Variants in PPP1R1C observed in about 807,000 individuals in gnomAD.
The protein encoded by PPP1R1C is protein phosphatase 1 regulatory inhibitor subunit 1C.
Under a neutral mutation model 17.4 loss-of-function variants are expected in PPP1R1C, and 15 were observed. That is an observed-to-expected ratio of 0.86 (90% CI 0.58 to 1.33). The LOEUF (loss-of-function observed/expected upper bound fraction) is 1.33. PPP1R1C is among the 40% of genes most tolerant of loss of function. The pLI, the probability that PPP1R1C is intolerant of heterozygous loss-of-function variation, is 0.00. For missense variants in PPP1R1C, 143 were observed against 130.0 expected, an observed-to-expected ratio of 1.10 and a Z score of -0.48; for synonymous variants, 35 against 43.1, an observed-to-expected ratio of 0.81 and a Z score of 0.73.
At chr2:182,093,738 A>G (rs904286282) in intron 4 of PPP1R1C, among the ~76,000 whole-genome samples, 8 of 152,218 alleles carry the variant, frequency 5.3e-5, no homozygotes, top group Non-Finnish European at 1.2e-4. Flanking sequence ...CTAAAACATA[A>G]TAAGAGTCAC....
chr2:182,124,328 T>TTTTTTTTTG (rs1689817880), intron 5 of PPP1R1C, among the ~76,000 whole-genome samples: 7 of 55,592 alleles, frequency 1.3e-4, no homozygotes, highest in Non-Finnish European at 3.4e-4. Flanking sequence ...TTTTTTTTTG[T>TTTTTTTTTG]TTTTTTTTTT....
chr2:182,063,697 T>C (rs1365011303), intron 3 of PPP1R1C, 34 bp from the exon 4 acceptor site: 1 of 1,572,368 alleles, frequency 6.4e-7, no homozygotes, highest in Non-Finnish European at 8.8e-7. Flanking sequence ...TGTATCCAAA[T>C]CTAAGGCTTT....
intron 4 of PPP1R1C, among the ~76,000 whole-genome samples, chr2:182,083,302 C>T (rs1574437830): frequency 1.3e-5 from 2 of 152,202 alleles, no homozygotes; most frequent in East Asian, 3.9e-4. Context: ...TTTGGTTACA[C>T]GGATGAATTG....
At chr2:182,106,033 G>C (rs1689239983) in intron 4 of PPP1R1C, among the ~76,000 whole-genome samples, 1 of 152,132 alleles carries the variant, frequency 6.6e-6, no homozygotes, top group Non-Finnish European at 1.5e-5. Context: ...AGTAGCCTCA[G>C]ATTTTCCTTG....
chr2:181,972,449 A>G (rs1258794495), intron 1 of PPP1R1C, among the ~76,000 whole-genome samples: 1 of 152,148 alleles, frequency 6.6e-6, no homozygotes, highest in African/African-American at 2.4e-5. Context: ...ATAAACGTGT[A>G]TTCATCCATT....
At chr2:182,024,901 C>A (rs1238644701) in intron 2 of PPP1R1C, among the ~76,000 whole-genome samples, 1 of 144,362 alleles carries the variant, frequency 6.9e-6, no homozygotes, top group Non-Finnish European at 1.5e-5. Context: ...AAAATACTAG[C>A]AATATCGTGG....
At chr2:181,969,356 T>G (rs1684962372) in intron 1 of PPP1R1C, among the ~76,000 whole-genome samples, 1 of 152,202 alleles carries the variant, frequency 6.6e-6, no homozygotes, top group Non-Finnish European at 1.5e-5. Flanking sequence ...AAGGATATTT[T>G]CTCTGGTTAT....
intron 2 of PPP1R1C, among the ~76,000 whole-genome samples, chr2:182,001,955 A>G (rs1685777635): frequency 6.6e-6 from 1 of 152,146 alleles, no homozygotes; most frequent in Non-Finnish European, 1.5e-5. Context: ...ATAGCTTCAC[A>G]TTACAACATT....
At chr2:181,975,604 G>A (rs1685081389) in intron 2 of PPP1R1C, among the ~76,000 whole-genome samples, 1 of 151,736 alleles carries the variant, frequency 6.6e-6, no homozygotes, top group African/African-American at 2.4e-5. Context: ...CTATTTAACA[G>A]GAAGCTATAA....
At chr2:182,125,034 T>A (rs908564939) in intron 5 of PPP1R1C, among the ~76,000 whole-genome samples, 2 of 152,208 alleles carry the variant, frequency 1.3e-5, no homozygotes, top group African/African-American at 4.8e-5. Context: ...GGCTGTGGAT[T>A]TCTCATAAAT....
At chr2:182,073,995 G>A (rs1204945842) in intron 4 of PPP1R1C, among the ~76,000 whole-genome samples, 2 of 151,562 alleles carry the variant, frequency 1.3e-5, no homozygotes, top group Non-Finnish European at 2.9e-5. Flanking sequence ...GTGCTTTGAA[G>A]ATTTGGGACC....
At position 181,955,317 on chromosome 2, in the gene PPP1R1C, A is replaced by G. The variant is rs143416884; in HGVS notation, n.111+683A>G. 6.7e-3 allele frequency among the ~76,000 whole-genome samples: 1,017 copies of G among 152,308 alleles called. 15 individuals are homozygous for G. Among genetic ancestry groups the G allele is most frequent in the African/African-American group, 0.023 (943 of 41,566 alleles). On this transcript the variant is annotated intron_variant and non_coding_transcript_variant, in intron 1 of 5. Transcript: ENST00000464264. ...TCTTTCCTCTTTACCATGCTTTCAA[A>G]TTGGTTGACATTTATAACTTGAAAG...
intron 4 of PPP1R1C, among the ~76,000 whole-genome samples, chr2:182,114,482 C>T (rs762027981): frequency 1.5e-4 from 23 of 152,222 alleles, no homozygotes; most frequent in Admixed American, 9.2e-4. Flanking sequence ...GAAATTATTA[C>T]ATAGTCCTCA....
chr2:182,070,044 A>C (rs898602039), intron 4 of PPP1R1C, among the ~76,000 whole-genome samples: 2 of 152,174 alleles, frequency 1.3e-5, no homozygotes, highest in African/African-American at 4.8e-5. Context: ...AGCAACATAC[A>C]AGTGGATAGA....
At chr2:182,027,641 A>G (rs1686661137) in intron 2 of PPP1R1C, among the ~76,000 whole-genome samples, 1 of 142,268 alleles carries the variant, frequency 7.0e-6, no homozygotes, top group African/African-American at 2.7e-5. Flanking sequence ...TTTTGCATCA[A>G]TGTTCATCAA....
chr2:182,037,461 C>A (rs764173223), intron 2 of PPP1R1C, among the ~76,000 whole-genome samples: 15 of 152,048 alleles, frequency 9.9e-5, no homozygotes, highest in Non-Finnish European at 1.5e-4. Flanking sequence ...GTGGTGGGTG[C>A]CTGTAGTTCC....
At chr2:182,038,783 A>G (rs1687093025) in intron 2 of PPP1R1C, among the ~76,000 whole-genome samples, 1 of 152,252 alleles carries the variant, frequency 6.6e-6, no homozygotes, top group South Asian at 2.1e-4. Flanking sequence ...ACACACCCTC[A>G]TCAGGAATGT....
At chr2:182,131,223 A>C (rs1690000867), downstream of PPP1R1C, 1 of 152,088 alleles carries the variant, frequency 6.6e-6, no homozygotes, top group Non-Finnish European at 1.5e-5. Context: ...GTTTGTGTCT[A>C]TAATTTATAT....
chr2:182,010,181 G>A lies in PPP1R1C; in HGVS notation c.142+22282G>A, dbSNP rs1415499958. On this transcript the variant is annotated intron_variant, in intron 2 of 4. Transcript: ENST00000682840. ...AAAAGTGTCATTGGTATTTTTATGG[G>A]GATTACATTGAATTTCTAGACTGTT... 2.6e-5 allele frequency among the ~76,000 whole-genome samples: 4 copies of A among 151,348 alleles called. No homozygotes were observed. In the East Asian group the frequency reaches 7.8e-4, roughly 29 times the overall value.
Sources: gnomAD v4.1 joint callset for allele counts (sites outside exome capture counted in the v4.1 genomes callset) on GRCh38, gnomAD v4.1.1 for gene constraint, MANE v1.5 for transcripts, NCBI Gene and HGNC (gene_info 2026-07-23, HGNC 2026-07-21) for gene names.